GAK: variants seen among roughly 807,000 people sequenced by gnomAD.
The protein encoded by GAK is cyclin-G-associated kinase.
Under a neutral mutation model 143.9 loss-of-function variants are expected in GAK, and 79 were observed. That is an observed-to-expected ratio of 0.55 (90% CI 0.46 to 0.66). The LOEUF (loss-of-function observed/expected upper bound fraction) is 0.66. GAK is among the 30% of genes least tolerant of loss of function. The pLI is 0.00. For synonymous variants in GAK, 881 were observed against 765.5 expected (o/e 1.15, Z -2.49); for missense variants, 1,693 against 1,779.7 (o/e 0.95, Z 0.88).
intron 1 of GAK, among the ~76,000 whole-genome samples, chr4:917,284 T>C (rs1243237311): frequency 1.4e-5 from 2 of 143,138 alleles, no homozygotes; most frequent in Non-Finnish European, 1.5e-5. Flanking sequence ...TACAGAAAAC[T>C]CTAGAAAATG....
At chr4:902,538 C>T (rs35670600) in intron 5 of GAK, among the ~76,000 whole-genome samples, 3,504 of 145,700 alleles carry the variant, frequency 0.024, 66 homozygotes, top group Non-Finnish European at 0.037. Context: ...TCGGCCGAGG[C>T]GGCAGTGAGC....
intron 2 of GAK, 92 bp from the exon 3 acceptor site, chr4:912,886 A>G (rs1722288843): frequency 9.2e-7 from 1 of 1,091,772 alleles, no homozygotes. Flanking sequence ...CACGCAACAG[A>G]GCAATGCAAT....
chr4:856,623 A>ACCTGCTCACAGCTGCTCACC (rs1749321526), intron 24 of GAK, among the ~76,000 whole-genome samples: 1 of 130,778 alleles, frequency 7.6e-6, no homozygotes. Flanking sequence ...AGGTGCTCAC[A>ACCTGCTCACAGCTGCTCACC]CCTGCTCACC....
At chr4:929,324 T>G (rs773260856) in intron 1 of GAK, among the ~76,000 whole-genome samples, 21 of 152,214 alleles carry the variant, frequency 1.4e-4, no homozygotes, top group Non-Finnish European at 2.4e-4. Context: ...GGGTTACGCT[T>G]AAACCATACG....
intron 1 of GAK, among the ~76,000 whole-genome samples, chr4:928,952 G>T (rs559608599): frequency 6.6e-6 from 1 of 152,010 alleles, no homozygotes; most frequent in African/African-American, 2.4e-5. Context: ...TAGTAGAGAC[G>T]GGTTTCCCCG....
At chr4:904,886 C>A in intron 4 of GAK, 107 bp from the exon 5 acceptor site, 1 of 1,160,114 alleles carries the variant, frequency 8.6e-7, no homozygotes, top group Non-Finnish European at 1.2e-6. Context: ...AAGGAAAACC[C>A]TGACTTTCCA....
intron 24 of GAK, chr4:852,182 G>T: frequency 1.6e-6 from 1 of 615,334 alleles, no homozygotes; most frequent in South Asian, 1.9e-5. Context: ...GGGGCGACGG[G>T]AACACTCTGG....
intron 8 of GAK, 147 bp downstream of exon 8, chr4:893,727 C>T (rs531601234): frequency 1.5e-6 from 1 of 674,428 alleles, no homozygotes; most frequent in Non-Finnish European, 2.0e-6. Context: ...CTCTGGAAAC[C>T]CCCCCCCCAG....
intron 19 of GAK, chr4:869,000 A>G (rs754286313): frequency 3.1e-5 from 11 of 351,366 alleles, no homozygotes; most frequent in Non-Finnish European, 5.4e-5. Flanking sequence ...ACACAGCTGC[A>G]CGGTACACAC....
intron 7 of GAK, chr4:894,914 A>G (rs1303474715): frequency 6.6e-6 from 1 of 152,240 alleles, no homozygotes; most frequent in Non-Finnish European, 1.5e-5. Context: ...CGGGAGGCAG[A>G]GGTTGCAGTG....
chr4:909,235 G>A (rs966768687), intron 4 of GAK, among the ~76,000 whole-genome samples: 1 of 152,250 alleles, frequency 6.6e-6, no homozygotes, highest in South Asian at 2.1e-4. Flanking sequence ...GAGGCCCCAC[G>A]GCGTGATGCG....
At chr4:863,829 C>G (rs1035094055) in intron 23 of GAK, among the ~76,000 whole-genome samples, 3 of 151,058 alleles carry the variant, frequency 2.0e-5, no homozygotes, top group African/African-American at 7.3e-5. Flanking sequence ...TCGAGACCAG[C>G]CCGACCAACA....
chr4:895,815 CGCAGCAAG>C (rs1560385926), intron 7 of GAK, among the ~76,000 whole-genome samples: 1 of 152,200 alleles, frequency 6.6e-6, no homozygotes, highest in Admixed American at 6.5e-5. Flanking sequence ...TGGCTCTGAG[CGCAGCAAG>C]GCTGGGGTGT....
intron 1 of GAK, among the ~76,000 whole-genome samples, chr4:929,393 G>T (rs959102303): frequency 2.0e-5 from 3 of 152,164 alleles, no homozygotes; most frequent in African/African-American, 7.2e-5. Context: ...CAGTAACCCC[G>T]AGTTCAAGTC....
chr4:859,362 C>T, intron 24 of GAK: 1 of 1,456,490 alleles, frequency 6.9e-7, no homozygotes, highest in East Asian at 2.9e-5. Context: ...GATCACGCAC[C>T]ACAATGCCGG....
At chr4:918,677 T>G (rs1723425046) in intron 1 of GAK, among the ~76,000 whole-genome samples, 1 of 152,182 alleles carries the variant, frequency 6.6e-6, no homozygotes, top group East Asian at 1.9e-4. Flanking sequence ...AAAAATATAT[T>G]AAACACAAAA....
intron 24 of GAK, among the ~76,000 whole-genome samples, chr4:854,813 A>G (rs1748840880): frequency 6.6e-6 from 1 of 152,146 alleles, no homozygotes; most frequent in South Asian, 2.1e-4. Context: ...TGGGAGGCCG[A>G]GGCGGGCGGA....
intron 24 of GAK, among the ~76,000 whole-genome samples, chr4:856,658 TAGCTCACCAC>T (rs1472225672): frequency 2.4e-5 from 1 of 41,874 alleles, no homozygotes; most frequent in Non-Finnish European, 4.6e-5. Flanking sequence ...CTGCTCACCA[TAGCTCACCAC>T]AGCTGCTCAC....
At chr4:904,903 A>T in intron 4 of GAK, 124 bp from the exon 5 acceptor site, 1 of 942,870 alleles carries the variant, frequency 1.1e-6, no homozygotes, top group Non-Finnish European at 1.6e-6. Context: ...TCCACACCTA[A>T]GTAACAAAAC....
Sources: allele counts gnomAD v4.1 joint callset (sites outside exome capture counted in the v4.1 genomes callset), GRCh38; gene constraint gnomAD v4.1.1; transcripts MANE v1.5; gene names NCBI Gene and HGNC (gene_info 2026-07-23, HGNC 2026-07-21).